Variants in GABRG3 observed in about 807,000 individuals in gnomAD.
GABRG3 encodes the protein gamma-aminobutyric acid receptor subunit gamma-3.
In GABRG3, 25 loss-of-function variants were observed where a neutral mutation model predicts 48.8. The observed-to-expected ratio is 0.51, with a 90% CI of 0.37 to 0.72. GABRG3 has a LOEUF of 0.72. Ranked by LOEUF, GABRG3 falls within the 30% of genes least tolerant of loss-of-function variation. The pLI is 0.00. For synonymous variants in GABRG3, 227 were observed against 217.6 expected (o/e 1.04, Z -0.38); for missense variants, 394 against 577.9 (o/e 0.68, Z 3.26).
intron 3 of GABRG3, among the ~76,000 whole-genome samples, chr15:27,082,395 G>A (rs911893496): frequency 6.6e-6 from 1 of 152,178 alleles, no homozygotes; most frequent in African/African-American, 2.4e-5. Flanking sequence ...ATTTATGCGG[G>A]GAACGCACGA....
intron 3 of GABRG3, among the ~76,000 whole-genome samples, chr15:27,232,757 A>G (rs1889838872): frequency 6.6e-6 from 1 of 152,254 alleles, no homozygotes; most frequent in Non-Finnish European, 1.5e-5. Flanking sequence ...ATGAATTCAA[A>G]TAATTTTCTA....
intron 5 of GABRG3, among the ~76,000 whole-genome samples, chr15:27,355,082 G>A (rs747741714): frequency 5.9e-5 from 9 of 152,128 alleles, no homozygotes; most frequent in Non-Finnish European, 1.0e-4. Flanking sequence ...GGCCATTGCC[G>A]GCAGCTAAAG....
At chr15:27,041,295 A>G (rs998570978) in intron 3 of GABRG3, among the ~76,000 whole-genome samples, 5 of 152,004 alleles carry the variant, frequency 3.3e-5, no homozygotes, top group Admixed American at 6.6e-5. Flanking sequence ...CGATCTTCTT[A>G]CCTCAGCCTC....
At chr15:27,127,502 T>A (rs1217546067) in intron 3 of GABRG3, among the ~76,000 whole-genome samples, 1 of 151,802 alleles carries the variant, frequency 6.6e-6, no homozygotes, top group Non-Finnish European at 1.5e-5. Context: ...AAGTGGAAAA[T>A]CTCTGGGGTC....
intron 2 of GABRG3, among the ~76,000 whole-genome samples, chr15:27,008,462 G>C (rs776965498): frequency 1.3e-5 from 2 of 152,118 alleles, no homozygotes; most frequent in African/African-American, 2.4e-5. Flanking sequence ...AATATAGATG[G>C]GATAGGAATC....
At chr15:26,973,106 G>A (rs1333884162) in intron 1 of GABRG3, among the ~76,000 whole-genome samples, 1 of 152,170 alleles carries the variant, frequency 6.6e-6, no homozygotes, top group Non-Finnish European at 1.5e-5. Flanking sequence ...CAACTCAAAC[G>A]AGTGACCAGC....
chr15:27,029,605 T>C (rs1219075707), intron 3 of GABRG3, among the ~76,000 whole-genome samples: 1 of 152,196 alleles, frequency 6.6e-6, no homozygotes, highest in East Asian at 1.9e-4. Context: ...GGTGAGTTGC[T>C]GTGTGTCTCT....
At position 27,417,872 on chromosome 15, in the gene GABRG3, T is replaced by C. The variant is rs142819467; in HGVS notation, c.575-62778T>C. On this transcript the variant is annotated intron_variant, in intron 5 of 9. Transcript: ENST00000615808. ...CTGTGGCATGGGCTAAAGCCATCTC[T>C]CCATCTCCTAGTGACTACCTTTGGA... Among the ~76,000 whole-genome samples the C allele has an allele frequency of 3.1e-3, 478 of 152,354 alleles. 3 individuals are homozygous for C. Among genetic ancestry groups the C allele is most frequent in the African/African-American group, 0.011 (446 of 41,586 alleles).
chr15:26,995,898 A>G (rs1895331903), intron 2 of GABRG3, among the ~76,000 whole-genome samples: 1 of 152,040 alleles, frequency 6.6e-6, no homozygotes, highest in South Asian at 2.1e-4. Context: ...TTTATTTATC[A>G]TTTATGATGT....
chr15:27,255,037 C>G (rs1431258816), intron 3 of GABRG3, among the ~76,000 whole-genome samples: 1 of 152,154 alleles, frequency 6.6e-6, no homozygotes, highest in Non-Finnish European at 1.5e-5. Flanking sequence ...CTGCTCAGGC[C>G]TTTGCAGTTT....
At chr15:27,506,791 G>GT (rs553904585) in intron 6 of GABRG3, among the ~76,000 whole-genome samples, 5 of 149,920 alleles carry the variant, frequency 3.3e-5, no homozygotes, top group Admixed American at 1.3e-4. Context: ...CAACTTTTGG[G>GT]TTTTTTTTTC....
At chr15:27,505,931 A>T (rs1890749128) in intron 6 of GABRG3, among the ~76,000 whole-genome samples, 1 of 152,164 alleles carries the variant, frequency 6.6e-6, no homozygotes, top group African/African-American at 2.4e-5. Flanking sequence ...AACTTAATAG[A>T]TATAGGTTTA....
intron 3 of GABRG3, chr15:27,271,415 A>C: frequency 2.6e-6 from 1 of 381,254 alleles, no homozygotes; most frequent in South Asian, 1.9e-5. Context: ...GGAGCTGCGC[A>C]AGCTGGTATG....
chr15:27,503,140 T>C (rs991614106), intron 6 of GABRG3, among the ~76,000 whole-genome samples: 1 of 152,196 alleles, frequency 6.6e-6, no homozygotes, highest in African/African-American at 2.4e-5. Context: ...ACCAGCTCCA[T>C]CCTGAAGGTG....
chr15:27,156,375 A>G (rs1898429568), intron 3 of GABRG3, among the ~76,000 whole-genome samples: 1 of 151,736 alleles, frequency 6.6e-6, no homozygotes, highest in East Asian at 1.9e-4. Context: ...TTGTCCTTTA[A>G]CTAGAGAGAG....
intron 5 of GABRG3, among the ~76,000 whole-genome samples, chr15:27,380,425 GTTT>G (rs142157061): frequency 6.9e-6 from 1 of 145,620 alleles, no homozygotes; most frequent in East Asian, 2.0e-4. Flanking sequence ...TGTGTGTGTG[GTTT>G]TTTTTTTGTC....
chr15:27,005,136 G>A (rs183120470), intron 2 of GABRG3, among the ~76,000 whole-genome samples: 112 of 152,236 alleles, frequency 7.4e-4, no homozygotes, highest in African/African-American at 2.5e-3. Context: ...GATCATGGCA[G>A]TATTTGTCTA....
chr15:27,495,001 C>G (rs1890448134), intron 6 of GABRG3, among the ~76,000 whole-genome samples: 2 of 152,192 alleles, frequency 1.3e-5, no homozygotes, highest in Non-Finnish European at 2.9e-5. Context: ...ACTACTTTAG[C>G]TGTATCCCAC....
chr15:27,039,595 C>T lies in GABRG3; in HGVS notation c.270+12774C>T, dbSNP rs143032875. Reference sequence around the variant, plus strand: ...AAGACGCCACAAAGAGAGTGCTTCACAGCATCATTTGATTCTTCAGCCCCC... The same window carrying T: ...AAGACGCCACAAAGAGAGTGCTTCATAGCATCATTTGATTCTTCAGCCCCC... On this transcript the variant is annotated intron_variant, in intron 3 of 9. Transcript: ENST00000615808. 1.6e-4 allele frequency among the ~76,000 whole-genome samples: 24 copies of T among 152,328 alleles called. No homozygotes were observed. The East Asian group carries it at 3.9e-3, about 25-fold the overall frequency.
Sources: allele counts gnomAD v4.1 joint callset (sites outside exome capture counted in the v4.1 genomes callset), GRCh38; gene constraint gnomAD v4.1.1; transcripts MANE v1.5; gene names NCBI Gene and HGNC (gene_info 2026-07-23, HGNC 2026-07-21).